PJVK: variants seen among roughly 807,000 people sequenced by gnomAD.
The protein encoded by PJVK is pejvakin.
PJVK carries 33 observed loss-of-function variants against 37.6 expected under a neutral mutation model. That is an observed-to-expected ratio of 0.88 (90% confidence interval 0.67 to 1.17). The LOEUF is 1.17. Ranked by LOEUF, PJVK falls within the 50% of genes most tolerant of loss-of-function variation. PJVK has a pLI of 0.00. For synonymous variants in PJVK, 141 were observed against 143.5 expected, an observed-to-expected ratio of 0.98 and a Z score of 0.13; for missense variants, 410 against 413.8, an observed-to-expected ratio of 0.99 and a Z score of 0.08.
intron 4 of PJVK, among the ~76,000 whole-genome samples, chr2:178,457,129 C>T (rs1006294678): frequency 2.6e-5 from 4 of 152,058 alleles, no homozygotes; most frequent in African/African-American, 2.4e-5. Context: ...CCACCACGCC[C>T]GGCAGTGTTA....
chr2:178,452,609 G>C (rs975435946), intron 1 of PJVK: 1 of 985,294 alleles, frequency 1.0e-6, no homozygotes, highest in Non-Finnish European at 1.2e-6. Context: ...TTAAAAACAG[G>C]CCAGAACTTT....
chr2:178,456,386 G>C, intron 4 of PJVK: 1 of 553,348 alleles, frequency 1.8e-6, no homozygotes, highest in Non-Finnish European at 3.2e-6. Flanking sequence ...GTGAAATTAC[G>C]TGCATACTGG....
In PJVK at chr2:178,460,986, A is replaced by G. The variant is rs563161294; in HGVS notation, c.771A>G (p.Arg257=). Residue 257 remains arginine, a synonymous_variant, in exon 7 of 7, where the codon AGA becomes AGG. Coordinates refer to ENST00000644580, the MANE Select transcript of PJVK (RefSeq NM_001042702.5). The part of the protein sequence containing the change: ...RLRNILFERN[R]RVMDVISRSQ... ...TTTCTGTTTTTGTCCTTTTAGATAG[A>G]AGAGTGATGGATGTCATTTCTCGTT... The G allele has an allele frequency of 4.3e-6, 7 of 1,613,754 alleles. No individual in the cohort carries two copies. In the East Asian group the frequency reaches 1.6e-4, roughly 36 times the overall value.
Position 178,461,231 on chromosome 2 carries a change from A to T in PJVK, c.1016A>T (p.His339Leu). ...SVDGQKYVRL[H>L]AVPCFDIWHK... ...GATGGTCAGAAGTATGTGAGACTTCATGCAGTTCCTTGTTTTGATATTTGG... is the reference window on the plus strand; with the variant it reads ...GATGGTCAGAAGTATGTGAGACTTCTTGCAGTTCCTTGTTTTGATATTTGG... The change falls in exon 7 of 7, where the codon CAT (histidine) becomes CTT (leucine). Residue 339 changes from histidine to leucine, a missense_variant. Transcript: ENST00000644580. 1 of 1,614,194 alleles carries T rather than the reference A, an allele frequency of 6.2e-7. No homozygotes were observed. Among genetic ancestry groups the T allele is most frequent in the Non-Finnish European group, 8.5e-7 (1 of 1,180,028 alleles).
intron 4 of PJVK, among the ~76,000 whole-genome samples, chr2:178,457,792 AAG>A (rs1227866055): frequency 6.6e-6 from 1 of 152,108 alleles, no homozygotes; most frequent in African/African-American, 2.4e-5. Flanking sequence ...CCAGGAGTTC[AAG>A]GTTACAGTAG....
At chr2:178,456,851 G>T (rs1684131135) in intron 4 of PJVK, among the ~76,000 whole-genome samples, 1 of 152,132 alleles carries the variant, frequency 6.6e-6, no homozygotes, top group Non-Finnish European at 1.5e-5. Context: ...GAAATTACAT[G>T]CATACTGGAG....
At position 178,461,294 on chromosome 2, in the gene PJVK, G is replaced by A. The variant is rs200368104; in HGVS notation, c.*20G>A. 111 of 1,612,632 alleles carry A rather than the reference G, an allele frequency of 6.9e-5. 1 individual carries two copies. In the East Asian group the frequency reaches 1.9e-3, roughly 27 times the overall value. On this transcript the variant is annotated 3_prime_UTR_variant, in exon 7 of 7. Coordinates refer to ENST00000644580, the MANE Select transcript of PJVK (RefSeq NM_001042702.5). ...AAATAAAATGAAAAATGAATACACC[G>A]TGTTGGTGTTTTAGGTGCAGTTGTG... is the stretch of plus-strand genomic sequence containing the variant.
At chr2:178,454,137 C>T in intron 2 of PJVK, 195 bp from the exon 3 acceptor site, 1 of 492,922 alleles carries the variant, frequency 2.0e-6, no homozygotes, top group Non-Finnish European at 3.6e-6. Context: ...AATTTGAGTT[C>T]CTTTTAAGAA....
intron 4 of PJVK, among the ~76,000 whole-genome samples, chr2:178,457,981 T>G (rs887039763): frequency 1.3e-5 from 2 of 152,236 alleles, no homozygotes; most frequent in African/African-American, 4.8e-5. Context: ...GTTAGAAAGA[T>G]AGGGTTCAAG....
chr2:178,460,352 T>G lies in PJVK; in HGVS notation c.672T>G (p.Leu224=). The G allele has an allele frequency of 6.2e-7, 1 of 1,613,866 alleles. No homozygotes were observed. Among genetic ancestry groups the G allele is most frequent in the South Asian group, 1.1e-5 (1 of 91,074 alleles). ...LFIYLDGAFD[L]CVTSVSKGGF... is the part of the protein sequence containing the mutation. ...TTCTAACAATTTTTTTTGTAGACCTTTGTGTCACTTCAGTGTCAAAAGGAG... is the reference window on the plus strand; with the variant it reads ...TTCTAACAATTTTTTTTGTAGACCTGTGTGTCACTTCAGTGTCAAAAGGAG... Residue 224 remains leucine, a synonymous_variant, in exon 6 of 7, where the codon CTT becomes CTG. Transcript: ENST00000644580.
intron 1 of PJVK, chr2:178,452,183 C>T: frequency 1.7e-6 from 1 of 578,770 alleles, no homozygotes; most frequent in Non-Finnish European, 2.2e-6. Context: ...ATCCCAGCTA[C>T]TCGGGAGGCT....
At chr2:178,459,226 C>A (rs1038038073) in intron 5 of PJVK, 1 of 471,982 alleles carries the variant, frequency 2.1e-6, no homozygotes, top group Non-Finnish European at 4.4e-6. Flanking sequence ...TGGAACAAGT[C>A]CAGGTGTAGC....
intron 3 of PJVK, chr2:178,455,526 G>A: frequency 1.2e-6 from 1 of 808,218 alleles, no homozygotes. Flanking sequence ...AGGGCTTGGG[G>A]CAGGCATGGG....
intron 4 of PJVK, among the ~76,000 whole-genome samples, chr2:178,457,902 A>C (rs1051718988): frequency 5.3e-5 from 8 of 152,172 alleles, no homozygotes. Flanking sequence ...TTTTCAGCTC[A>C]ATTATGATAT....
Position 178,456,137 on chromosome 2 carries a change from G to C in PJVK, c.535G>C (p.Gly179Arg). Residue 179 changes from glycine (G) to arginine (R), a missense_variant, in exon 4 of 7, where the codon GGG becomes CGG. By Grantham distance (125) the Gly-to-Arg change is moderately radical. Transcript: ENST00000644580. ...CSLSVHAGIRGEAMRFHFMDE... is the reference protein window; with the variant it reads ...CSLSVHAGIRREAMRFHFMDE... ...ACTGTCTGTGCATGCTGGAATTCGA[G>C]GGGAAGCAATGCGGGTAAACCACAC... 2.5e-6 allele frequency: 4 copies of C among 1,614,010 alleles called. No individual in the cohort carries two copies. Among genetic ancestry groups the C allele is most frequent in the Non-Finnish European group, 3.4e-6 (4 of 1,179,954 alleles).
Position 178,453,616 on chromosome 2 carries a change from A to G in PJVK, c.207A>G (p.Ser69=). 2 of 1,611,052 alleles carry G rather than the reference A, an allele frequency of 1.2e-6. No homozygotes were observed. The highest frequency in any genetic ancestry group is 1.7e-6 in the Non-Finnish European group (2 of 1,178,190). ...KDILLGDREI[S]AGISSYQLLN... The stretch of plus-strand genomic sequence containing the variant: ...TTCTCCTAGGAGACAGAGAAATTTC[A>G]GCTGGTAAGTTTAAATGTTTGGGAG... The change falls in exon 2 of 7, where the codon TCA becomes TCG. Residue 69 remains serine (S), a synonymous_variant. Coordinates refer to ENST00000644580, the MANE Select transcript of PJVK (RefSeq NM_001042702.5).
chr2:178,455,977 T>C (rs1398125863), intron 3 of PJVK, 33 bp from the exon 4 acceptor site: 4 of 1,609,814 alleles, frequency 2.5e-6, no homozygotes, highest in African/African-American at 1.3e-5. Context: ...TTAGATGTTA[T>C]AGAGTCTTGT....
At chr2:178,453,921 C>T (rs1299079676) in intron 2 of PJVK, 4 of 364,588 alleles carry the variant, frequency 1.1e-5, no homozygotes, top group Non-Finnish European at 2.1e-5. Flanking sequence ...TTTGGGCTTA[C>T]CTATGTTACA....
chr2:178,455,028 G>T, intron 3 of PJVK: 1 of 1,136,400 alleles, frequency 8.8e-7, no homozygotes, highest in South Asian at 1.2e-5. Flanking sequence ...GAAGGACGTG[G>T]TGGTGGCATC....
Sources: gnomAD v4.1 joint callset for allele counts (sites outside exome capture counted in the v4.1 genomes callset) on GRCh38, gnomAD v4.1.1 for gene constraint, MANE v1.5 for transcripts, NCBI Gene and HGNC (gene_info 2026-07-23, HGNC 2026-07-21) for gene names.